CD244: variants seen among roughly 807,000 people sequenced by gnomAD.
CD244 encodes natural killer cell receptor 2B4.
Under a neutral mutation model 45.5 loss-of-function variants are expected in CD244, and 20 were observed. The observed-to-expected ratio is 0.44, with a 90% CI of 0.31 to 0.64. CD244 has a LOEUF of 0.64. CD244 is among the 30% of genes least tolerant of loss of function. CD244 has a pLI of 0.08. For synonymous variants in CD244, 185 were observed against 160.5 expected (o/e 1.15, Z -1.15); for missense variants, 407 against 426.9 (o/e 0.95, Z 0.41).
chr1:160,832,904 A>G (rs1373930910), intron 7 of CD244, among the ~76,000 whole-genome samples: 5 of 151,420 alleles, frequency 3.3e-5, no homozygotes, highest in African/African-American at 1.2e-4. Flanking sequence ...ACACATATAT[A>G]TACATATTTG....
chr1:160,838,831 G>T, intron 4 of CD244, 108 bp downstream of exon 4: 1 of 740,502 alleles, frequency 1.4e-6, no homozygotes, highest in Non-Finnish European at 2.2e-6. Context: ...AAAGCTCGTT[G>T]AGGAAAAGGA....
Position 160,831,382 on chromosome 1 carries a change from G to A in CD244, c.1063C>T (p.Arg355Cys), listed in dbSNP as rs140746142. 1.3e-3 allele frequency: 2,152 copies of A among 1,614,104 alleles called. 38 individuals are homozygous for A. The South Asian group carries it at 0.02, about 15-fold the overall frequency. ...PKAQNPARLS[R>C]KELENFDVYS ...ACATCAAAGTTCTCCAGCTCTTTGC[G>A]GCTCAATCGAGCAGGGTTCTGGGCT... Residue 355 changes from arginine (R) to cysteine (C), a missense_variant, in exon 9 of 9, where the codon CGC becomes TGC. Transcript: ENST00000368034.
At chr1:160,858,225 AG>A (rs1381010735) in intron 1 of CD244, among the ~76,000 whole-genome samples, 2 of 143,778 alleles carry the variant, frequency 1.4e-5, no homozygotes, top group Non-Finnish European at 3.1e-5. Context: ...CCTTTGTTGG[AG>A]GGGAGGTGCA....
In CD244 at chr1:160,838,451, G is replaced by A. The variant is rs756712810; in HGVS notation, c.834C>T (p.His278=). Residue 278 remains histidine, a splice_region_variant and synonymous_variant, in exon 5 of 9, where the codon CAC becomes CAT. Transcript: ENST00000368034. ...GACCCCAGCCTCCGGGATGACATAC[G>A]TGATTTCTCCTGGTTTTCAGATCCT... The part of the protein sequence containing the change: ...DVKDLKTRRN[H]EQEQTFPGGG... 24 of 1,610,488 alleles carry A rather than the reference G, an allele frequency of 1.5e-5. No individual in the cohort carries two copies. The highest frequency in any genetic ancestry group is 2.7e-5 in the African/African-American group (2 of 74,800).
In CD244 at chr1:160,834,112, G is replaced by A; in HGVS notation, c.899C>T (p.Ser300Phe). The A allele has an allele frequency of 6.3e-7, 1 of 1,596,282 alleles. No individual in the cohort carries two copies. The highest frequency in any genetic ancestry group is 8.6e-7 in the Non-Finnish European group (1 of 1,163,774). The change falls in exon 7 of 9, where the codon TCT (serine) becomes TTT (phenylalanine). Residue 300 changes from serine to phenylalanine, a missense_variant. Transcript: ENST00000368034. ...TGCAGGTTCTTGTGACGTGGGAGCA[G>A]AAGACTAATGAGAAGAGAAATAAAA... ...TIYSMIQSQSSAPTSQEPAYT... is the reference protein window; with the variant it reads ...TIYSMIQSQSFAPTSQEPAYT...
chr1:160,847,349 T>C (rs573435568), intron 1 of CD244, among the ~76,000 whole-genome samples: 1 of 152,036 alleles, frequency 6.6e-6, no homozygotes, highest in East Asian at 1.9e-4. Context: ...TAAACCAATA[T>C]ATATATAAAT....
chr1:160,844,717 G>A lies in CD244; in HGVS notation c.62-2816C>T, dbSNP rs559201517. On this transcript the variant is annotated intron_variant, in intron 1 of 8. Coordinates refer to ENST00000368034, the MANE Select transcript of CD244 (RefSeq NM_016382.4). ...TGGCCTGGTGCGGTGGCTCATGCCC[G>A]TAATTCCAGCACTTTGGGAGGCCAA... is the stretch of plus-strand genomic sequence containing the variant. Among the ~76,000 whole-genome samples the A allele has an allele frequency of 5.3e-4, 80 of 152,322 alleles. No individual in the cohort carries two copies. The Middle Eastern group carries it at 0.017, about 32-fold the overall frequency.
rs1269606485 is a variant in CD244, at chr1:160,841,697, T to C, written c.266A>G (p.Asn89Ser). ...SNDRFSFIVK[N>S]LSLLIKAAQQ... The stretch of plus-strand genomic sequence containing the variant: ...AGCTGCCTTGATGAGAAGACTCAAG[T>C]TCTTGACTATAAAACTGAATCTATC... Residue 89 changes from asparagine to serine, a missense_variant, in exon 2 of 9, where the codon AAC becomes AGC. Asn to Ser is a conservative substitution (Grantham distance 46, BLOSUM62 1). Transcript: ENST00000368034. The C allele has an allele frequency of 1.2e-6, 2 of 1,614,152 alleles. No individual in the cohort carries two copies. Among genetic ancestry groups the C allele is most frequent in the Non-Finnish European group, 8.5e-7 (1 of 1,180,008 alleles).
intron 1 of CD244, among the ~76,000 whole-genome samples, chr1:160,844,962 G>A (rs1472610310): frequency 6.6e-6 from 1 of 152,078 alleles, no homozygotes; most frequent in African/African-American, 2.4e-5. Flanking sequence ...GCATGACAGA[G>A]CAAGACCTAA....
In CD244 at chr1:160,841,503, G is replaced by A. The variant is rs1557835638; in HGVS notation, c.380-18C>T. 6.2e-7 allele frequency: 1 copy of A among 1,613,692 alleles called. No homozygotes were observed. Among genetic ancestry groups the A allele is most frequent in the South Asian group, 1.1e-5 (1 of 91,074 alleles). ...AACTTTATCTGGAAGCAGAGATTCT[G>A]ATCAGAAAGGCATTGGAAATACAGA... On this transcript the variant is annotated intron_variant, in intron 2 of 8. Coordinates refer to ENST00000368034, the MANE Select transcript of CD244 (RefSeq NM_016382.4).
At chr1:160,861,258 G>A (rs4656942) in intron 1 of CD244, among the ~76,000 whole-genome samples, 29,968 of 152,128 alleles carry the variant, frequency 0.2, 3,659 homozygotes, top group Admixed American at 0.33. Context: ...CCTGCTCCCT[G>A]TTCCTCATCA....
At chr1:160,836,387 G>C (rs1179901105) in intron 5 of CD244, 133 bp from the exon 6 acceptor site, 3 of 706,228 alleles carry the variant, frequency 4.2e-6, no homozygotes, top group Non-Finnish European at 7.6e-6. Context: ...ACTGGGGAGA[G>C]TCATTGATCC....
chr1:160,838,829 T>C (rs922028421), intron 4 of CD244, 110 bp downstream of exon 4: 1 of 735,696 alleles, frequency 1.4e-6, no homozygotes, highest in Non-Finnish European at 2.2e-6. Context: ...CCAAAGCTCG[T>C]TGAGGAAAAG....
At chr1:160,861,503 C>T (rs945861295) in intron 1 of CD244, among the ~76,000 whole-genome samples, 6 of 152,154 alleles carry the variant, frequency 3.9e-5, no homozygotes, top group Non-Finnish European at 7.3e-5. Flanking sequence ...CGCTCTCCAC[C>T]TCCGTGAAGC....
chr1:160,862,423 C>T (rs112861746), intron 1 of CD244, among the ~76,000 whole-genome samples, 194 bp downstream of exon 1: 1 of 152,226 alleles, frequency 6.6e-6, no homozygotes, highest in Non-Finnish European at 1.5e-5. Flanking sequence ...GGGCCAGATA[C>T]CCCTCTCACA....
At chr1:160,856,437 C>G (rs1206127171) in intron 1 of CD244, among the ~76,000 whole-genome samples, 1 of 152,150 alleles carries the variant, frequency 6.6e-6, no homozygotes, top group African/African-American at 2.4e-5. Flanking sequence ...AAACCCCATG[C>G]AACCCTGGCT....
chr1:160,841,315 C>T lies in CD244; in HGVS notation c.550G>A (p.Val184Ile), dbSNP rs1473269856. 6.2e-7 allele frequency: 1 copy of T among 1,614,198 alleles called. No individual in the cohort carries two copies. The highest frequency in any genetic ancestry group is 1.1e-5 in the South Asian group (1 of 91,080). The change falls in exon 3 of 9, where the codon GTT becomes ATT. Residue 184 changes from valine to isoleucine, a missense_variant. Transcript: ENST00000368034. ...AGNLTYLDEE[V>I]DINGTHTYTC... ...TATGTGTGAGTGCCATTAATGTCAA[C>T]CTCCTCGTCCAGGTAGGTGAGGTTC...
chr1:160,847,451 C>T (rs1388179962), intron 1 of CD244, among the ~76,000 whole-genome samples: 2 of 152,050 alleles, frequency 1.3e-5, no homozygotes, highest in African/African-American at 4.8e-5. Context: ...ATATGCTGTG[C>T]ATTAAAACAA....
intron 3 of CD244, chr1:160,839,259 G>A: frequency 4.1e-6 from 2 of 487,358 alleles, no homozygotes; most frequent in Non-Finnish European, 7.3e-6. Context: ...ATATCAGACA[G>A]GCCTGGCTCA....
Sources: gnomAD v4.1 joint callset for allele counts (sites outside exome capture counted in the v4.1 genomes callset) on GRCh38, gnomAD v4.1.1 for gene constraint, MANE v1.5 for transcripts, NCBI Gene and HGNC (gene_info 2026-07-23, HGNC 2026-07-21) for gene names.